The following ZNF417 variants were observed in gnomAD, a reference collection of about 807,000 sequenced individuals.
ZNF417 encodes the protein zinc finger protein 417.
Under a neutral mutation model 7.4 loss-of-function variants are expected in ZNF417, and 5 were observed. That is an observed-to-expected ratio of 0.68 (90% CI 0.35 to 1.43). The LOEUF (loss-of-function observed/expected upper bound fraction) is 1.43. ZNF417 is among the 40% of genes most tolerant of loss of function. The probability of loss-of-function intolerance (pLI) is 0.04; values close to 1 mark genes in which losing one functional copy is unlikely to be tolerated. For synonymous variants in ZNF417, 147 were observed against 239.1 expected (o/e 0.61, Z 3.55); for missense variants, 437 against 697.3 (o/e 0.63, Z 4.20).
At chr19:57,916,169 G>C (rs549072737) in intron 1 of ZNF417, among the ~76,000 whole-genome samples, 2 of 152,352 alleles carry the variant, frequency 1.3e-5, no homozygotes, top group South Asian at 4.1e-4. Flanking sequence ...TCATAAATCG[G>C]CTCTGTCTAG....
At position 57,914,478 on chromosome 19, in the gene ZNF417, C is replaced by G. The variant is rs576389472; in HGVS notation, c.33+1901G>C. Among the ~76,000 whole-genome samples, 305 of 74,576 alleles carry G rather than the reference C, an allele frequency of 4.1e-3. 8 individuals carry two copies. Among genetic ancestry groups the G allele is most frequent in the African/African-American group, 0.021 (294 of 14,066 alleles). 48.9% of individuals were successfully genotyped at this position (74,576 alleles called of 152,430 possible). A position where few individuals can be genotyped will look rare whatever the true frequency, so the allele number is the denominator to read the frequency against. On this transcript the variant is annotated intron_variant, in intron 1 of 2. Transcript: ENST00000312026. ...TCCAGCCTGGGCAACAAGACCGAAACTCCACAAAAAAAAAAAAAAAAAAAA... is the reference window on the plus strand; with the variant it reads ...TCCAGCCTGGGCAACAAGACCGAAAGTCCACAAAAAAAAAAAAAAAAAAAA...
chr19:57,910,744 G>A (rs1025238825), intron 2 of ZNF417, among the ~76,000 whole-genome samples: 4 of 151,868 alleles, frequency 2.6e-5, no homozygotes, highest in South Asian at 4.2e-4. Flanking sequence ...ACATGTGAGT[G>A]CTATGTAGAA....
intron 1 of ZNF417, among the ~76,000 whole-genome samples, chr19:57,915,914 A>G (rs1385113400): frequency 6.6e-6 from 1 of 152,200 alleles, no homozygotes; most frequent in Admixed American, 6.5e-5. Context: ...CTGACAACAC[A>G]CAGACCGGTA....
At chr19:57,910,336 A>T (rs1434655170) in intron 2 of ZNF417, among the ~76,000 whole-genome samples, 1 of 151,936 alleles carries the variant, frequency 6.6e-6, no homozygotes, top group African/African-American at 2.4e-5. Context: ...ACCTGAGGTC[A>T]GAAGTTCGAG....
At chr19:57,912,645 G>C (rs948370053) in intron 1 of ZNF417, among the ~76,000 whole-genome samples, 1 of 152,092 alleles carries the variant, frequency 6.6e-6, no homozygotes, top group African/African-American at 2.4e-5. Flanking sequence ...GTCTAGCTCT[G>C]TCACCCAGGC....
chr19:57,907,495 CAA>C lies in ZNF417; in HGVS notation c.*1053_*1054del, dbSNP rs745358725. 49 of 154,910 alleles carry C rather than the reference CAA, an allele frequency of 3.2e-4. No individual in the cohort carries two copies. The highest frequency in any genetic ancestry group is 1.6e-3 in the Middle Eastern group (3 of 1,924). The allele number at this position is 154,910 out of a possible 1,614,324, so 9.6% of individuals were successfully genotyped here. ...AAGAATAATTCAGAGTGAGAGGAAA[CAA>C]GAGAGATTCTAGGCAGCCCTCAGGG... On this transcript the variant is annotated 3_prime_UTR_variant, in exon 3 of 3. Transcript: ENST00000312026.
rs1295031250 is a variant in ZNF417 at position 57,906,304 on chromosome 19, T to A, written c.*2246A>T. Among the ~76,000 whole-genome samples, 1 of 152,180 alleles carries A rather than the reference T, an allele frequency of 6.6e-6. No individual in the cohort carries two copies. The highest frequency in any genetic ancestry group is 1.5e-5 in the Non-Finnish European group (1 of 68,024). On this transcript the variant is annotated 3_prime_UTR_variant, in exon 3 of 3. Transcript: ENST00000312026. ...CTGAGAATGAAGTATCACTATTTCA[T>A]GTATGTGCCTGTATGTGCTTATATA...
Position 57,907,052 on chromosome 19 carries a change from C to T in ZNF417, c.*1498G>A, listed in dbSNP as rs1456036015. On this transcript the variant is annotated 3_prime_UTR_variant, in exon 3 of 3. Coordinates refer to ENST00000312026, the MANE Select transcript of ZNF417 (RefSeq NM_152475.3). ...TATTTTTAGTAGAGACAGGGTTTCA[C>T]CATATTGTCCAGGGTGGTCTTGAAC... The T allele has an allele frequency of 1.3e-5, 2 of 151,578 alleles. No homozygotes were observed. Among genetic ancestry groups the T allele is most frequent in the African/African-American group, 4.8e-5 (2 of 41,284 alleles). 9.4% of individuals were successfully genotyped at this position (151,578 alleles called of 1,614,324 possible). A position where few individuals can be genotyped will look rare whatever the true frequency, so the allele number is the denominator to read the frequency against.
In ZNF417 at chr19:57,909,589, T is replaced by A. The variant is rs1438907255; in HGVS notation, c.689A>T (p.His230Leu). The change falls in exon 3 of 3, where the codon CAC (histidine) becomes CTC (leucine). Residue 230 changes from histidine to leucine, a missense_variant. Physicochemically the swap from His to Leu is moderately conservative, Grantham distance 99. Coordinates refer to ENST00000312026, the MANE Select transcript of ZNF417 (RefSeq NM_152475.3). ...TCCATCTCTAGTGAAAAGTTTCTGG[T>A]GTGGAATAACTGAGTGTTTGGTGCT... ...AFSTKHSVIPHQKLFTRDGCY... is the reference protein window; with the variant it reads ...AFSTKHSVIPLQKLFTRDGCY... The A allele has an allele frequency of 6.2e-7, 1 of 1,607,846 alleles. No homozygotes were observed. Among genetic ancestry groups the A allele is most frequent in the African/African-American group, 1.4e-5 (1 of 72,798 alleles).
chr19:57,916,217 G>T (rs1427198442), intron 1 of ZNF417, among the ~76,000 whole-genome samples, 162 bp downstream of exon 1: 1 of 144,240 alleles, frequency 6.9e-6, no homozygotes, highest in Non-Finnish European at 1.5e-5. Flanking sequence ...AGTTACACAG[G>T]GACCCCCACT....
chr19:57,909,921 C>T lies in ZNF417; in HGVS notation c.357G>A (p.Leu119=), dbSNP rs1246360934. The change falls in exon 3 of 3, where the codon CTG becomes CTA. Residue 119 remains leucine (L), a synonymous_variant. Coordinates refer to ENST00000312026, the MANE Select transcript of ZNF417 (RefSeq NM_152475.3). ...TTTTTCCACATGCTCCACTCCTGTT[C>T]AGCTTCTGCTTGTGATGAGTTTCCT... The part of the protein sequence containing the change: ...DHQETHHKQK[L]NRSGACGKNL... 1 of 1,567,390 alleles carries T rather than the reference C, an allele frequency of 6.4e-7. No individual in the cohort carries two copies. Among genetic ancestry groups the T allele is most frequent in the Admixed American group, 1.9e-5 (1 of 54,042 alleles).
intron 1 of ZNF417, among the ~76,000 whole-genome samples, chr19:57,914,211 C>T (rs527497440): frequency 2.0e-5 from 3 of 152,078 alleles, no homozygotes; most frequent in South Asian, 2.1e-4. Flanking sequence ...GTCTGTCAGG[C>T]GTGATGGCTC....
In ZNF417 at chr19:57,905,831, G is replaced by A. The variant is rs909526049; in HGVS notation, c.*2719C>T. ...TGTACAAAAAAATTTCAACATATAA[G>A]TTGCATACAAGCAGGAAGATTTAAC... On this transcript the variant is annotated 3_prime_UTR_variant, in exon 3 of 3. Transcript: ENST00000312026. Among the ~76,000 whole-genome samples the A allele has an allele frequency of 6.6e-6, 1 of 152,156 alleles. No homozygotes were observed. The highest frequency in any genetic ancestry group is 1.5e-5 in the Non-Finnish European group (1 of 68,028).
At chr19:57,914,897 G>T (rs1426513013) in intron 1 of ZNF417, among the ~76,000 whole-genome samples, 1 of 152,178 alleles carries the variant, frequency 6.6e-6, no homozygotes, top group Admixed American at 6.5e-5. Flanking sequence ...TCAAAGGACT[G>T]AAAAAATGGC....
Position 57,906,760 on chromosome 19 carries a change from C to CAAAAAAAAAAAAAAAAAAAAAAA in ZNF417, c.*1789_*1790insTTTTTTTTTTTTTTTTTTTTTTT, listed in dbSNP as rs1180110149. On this transcript the variant is annotated 3_prime_UTR_variant, in exon 3 of 3. Coordinates refer to ENST00000312026, the MANE Select transcript of ZNF417 (RefSeq NM_152475.3). ...TGGGTGACAGAGTGAGACTCTGTCT[C>CAAAAAAAAAAAAAAAAAAAAAAA]AAAAAAAAAAAAAAAAAAAAATTTA... The CAAAAAAAAAAAAAAAAAAAAAAA allele has an allele frequency of 3.3e-5, 1 of 30,526 alleles. No homozygotes were observed. The highest frequency in any genetic ancestry group is 6.1e-5 in the Non-Finnish European group (1 of 16,474). 1.9% of individuals were successfully genotyped at this position (30,526 alleles called of 1,614,324 possible).
chr19:57,907,522 G>C lies in ZNF417; in HGVS notation c.*1028C>G, dbSNP rs1335887019. On this transcript the variant is annotated 3_prime_UTR_variant, in exon 3 of 3. Transcript: ENST00000312026. ...AGAGAGATTCTAGGCAGCCCTCAGG[G>C]AAGCTGAGGAGGTGGCTCCCTGCCT... 2 of 154,866 alleles carry C rather than the reference G, an allele frequency of 1.3e-5. No homozygotes were observed. Among genetic ancestry groups the C allele is most frequent in the Middle Eastern group, 5.1e-4 (1 of 1,946 alleles). The allele number at this position is 154,866 out of a possible 1,614,324, so 9.6% of individuals were successfully genotyped here.
Position 57,908,336 on chromosome 19 carries a change from C to T in ZNF417, c.*214G>A, listed in dbSNP as rs1029156888. The stretch of plus-strand genomic sequence containing the variant: ...GGAGAATCACTTGAACCTGGGAGGC[C>T]CAAGTTGCAGTGAGCCAAGATTGCA... On this transcript the variant is annotated 3_prime_UTR_variant, in exon 3 of 3. Coordinates refer to ENST00000312026, the MANE Select transcript of ZNF417 (RefSeq NM_152475.3). 4.0e-5 allele frequency: 33 copies of T among 829,832 alleles called. No homozygotes were observed. Among genetic ancestry groups the T allele is most frequent in the Admixed American group, 8.9e-5 (3 of 33,788 alleles). The allele number at this position is 829,832 out of a possible 1,614,324, so 51.4% of individuals were successfully genotyped here.
rs1295846595 is a variant in ZNF417, at chr19:57,916,393, T to G, written c.19A>C (p.Arg7=). The G allele has an allele frequency of 6.2e-7, 1 of 1,614,124 alleles. No homozygotes were observed. ...GCCACAATTACCTGAGTCGGGCGCC[T>G]CGGCGCAGCCGCTGCCATCGGACTA... is the stretch of plus-strand genomic sequence containing the variant. The part of the protein sequence containing the change: MAAAAP[R]RPTQQGTVTF... Residue 7 remains arginine, a synonymous_variant, in exon 1 of 3, where the codon AGG becomes CGG. Coordinates refer to ENST00000312026, the MANE Select transcript of ZNF417 (RefSeq NM_152475.3).
At chr19:57,916,300 A>T in intron 1 of ZNF417, 79 bp downstream of exon 1, 1 of 1,611,660 alleles carries the variant, frequency 6.2e-7, no homozygotes, top group Non-Finnish European at 8.5e-7. Context: ...CAGACCCGTG[A>T]GCAGGAGCCG....
Sources: gnomAD v4.1 joint callset for allele counts (sites outside exome capture counted in the v4.1 genomes callset) on GRCh38, gnomAD v4.1.1 for gene constraint, MANE v1.5 for transcripts, NCBI Gene and HGNC (gene_info 2026-07-23, HGNC 2026-07-21) for gene names.